Variants in ATRNL1 observed in about 807,000 individuals in gnomAD.
The protein encoded by ATRNL1 is attractin-like protein 1.
Under a neutral mutation model 182.7 loss-of-function variants are expected in ATRNL1, and 95 were observed. That is an observed-to-expected ratio of 0.52 (90% CI 0.44 to 0.62). The LOEUF (loss-of-function observed/expected upper bound fraction) is 0.62. Among genes scored for constraint, ATRNL1 ranks in the 20% least tolerant of loss-of-function variants. The probability of loss-of-function intolerance (pLI) is 0.00; values close to 1 mark genes in which losing one functional copy is unlikely to be tolerated. For missense variants in ATRNL1, 1,471 were observed against 1,679.5 expected, an observed-to-expected ratio of 0.88 and a Z score of 2.17; for synonymous variants, 576 against 568.3, an observed-to-expected ratio of 1.01 and a Z score of -0.19.
rs371950891 is a variant in ATRNL1 at position 115,694,911 on chromosome 10, TCA to T, written c.3796-32318_3796-32317del. Among the ~76,000 whole-genome samples, 404 of 131,492 alleles carry T rather than the reference TCA, an allele frequency of 3.1e-3. 2 individuals carry two copies. Among genetic ancestry groups the T allele is most frequent in the African/African-American group, 8.4e-3 (291 of 34,830 alleles). The allele number at this position is 131,492 out of a possible 152,430, so 86.3% of individuals were successfully genotyped here. Reference sequence around the variant, plus strand: ...TTTTTTTTTTACAAATGTTATAAAATCACACACACACACACACACATGCACAC... The same window carrying T: ...TTTTTTTTTTACAAATGTTATAAAATCACACACACACACACACATGCACAC... On this transcript the variant is annotated intron_variant, in intron 26 of 28. Coordinates refer to ENST00000355044, the MANE Select transcript of ATRNL1 (RefSeq NM_207303.4).
chr10:115,157,330 GT>G (rs1388481079), intron 5 of ATRNL1, among the ~76,000 whole-genome samples: 14 of 150,366 alleles, frequency 9.3e-5, no homozygotes, highest in Middle Eastern at 3.4e-3. Context: ...CGTTGTTTGT[GT>G]TTTAAATTAA....
intron 28 of ATRNL1, among the ~76,000 whole-genome samples, chr10:115,861,419 A>G (rs925592351): frequency 6.6e-6 from 1 of 152,172 alleles, no homozygotes; most frequent in Non-Finnish European, 1.5e-5. Flanking sequence ...GTTGGTGCTA[A>G]TGTCCCAGAG....
intron 26 of ATRNL1, among the ~76,000 whole-genome samples, chr10:115,551,463 A>G (rs879968473): frequency 6.6e-6 from 1 of 151,484 alleles, no homozygotes; most frequent in Admixed American, 6.6e-5. Context: ...TATCTGTATT[A>G]TTAATATTAC....
intron 24 of ATRNL1, among the ~76,000 whole-genome samples, chr10:115,482,813 C>G (rs1432947953): frequency 6.6e-6 from 1 of 151,020 alleles, no homozygotes; most frequent in Non-Finnish European, 1.5e-5. Context: ...TTGTTAGTAA[C>G]TAAAATTTAG....
intron 26 of ATRNL1, among the ~76,000 whole-genome samples, chr10:115,691,618 A>G (rs1305175278): frequency 6.6e-6 from 1 of 152,050 alleles, no homozygotes; most frequent in Non-Finnish European, 1.5e-5. Context: ...GCTATTTGGG[A>G]GGCTGAGTTG....
intron 27 of ATRNL1, among the ~76,000 whole-genome samples, chr10:115,764,978 C>T (rs1434756855): frequency 6.6e-6 from 1 of 152,124 alleles, no homozygotes; most frequent in Non-Finnish European, 1.5e-5. Context: ...CCAGCCTCCT[C>T]CATGTCTTTT....
chr10:115,104,251 AATATC>A (rs1554865361), intron 1 of ATRNL1, among the ~76,000 whole-genome samples: 1 of 152,162 alleles, frequency 6.6e-6, no homozygotes, highest in African/African-American at 2.4e-5. Flanking sequence ...GGAGTGAGAT[AATATC>A]ACATTGTAGT....
At chr10:115,740,155 A>G (rs1454193369) in intron 27 of ATRNL1, among the ~76,000 whole-genome samples, 4 of 152,224 alleles carry the variant, frequency 2.6e-5, no homozygotes, top group African/African-American at 4.8e-5. Context: ...TTCCTTAGAA[A>G]ATAAAATAGC....
Position 115,751,131 on chromosome 10 carries a change from C to A in ATRNL1, c.3903+23776C>A, listed in dbSNP as rs551669100. 3.3e-5 allele frequency among the ~76,000 whole-genome samples: 5 copies of A among 152,076 alleles called. No homozygotes were observed. The East Asian group carries it at 7.7e-4, about 24-fold the overall frequency. On this transcript the variant is annotated intron_variant, in intron 27 of 28. Transcript: ENST00000355044. ...CCTTACCAGTGAAAGAGGAGTCAGT[C>A]AGAGGAGATGTATCTGATGATGGAA...
intron 24 of ATRNL1, among the ~76,000 whole-genome samples, chr10:115,487,721 T>C (rs543299505): frequency 6.6e-6 from 1 of 152,284 alleles, no homozygotes; most frequent in East Asian, 1.9e-4. Context: ...TACCCTTTAT[T>C]TCTTTCTCTT....
Position 115,286,270 on chromosome 10 carries a change from A to G in ATRNL1, c.2288A>G (p.Asn763Ser). 2 of 1,599,718 alleles carry G rather than the reference A, an allele frequency of 1.3e-6. No individual in the cohort carries two copies. Among genetic ancestry groups the G allele is most frequent in the South Asian group, 1.1e-5 (1 of 90,586 alleles). Residue 763 changes from asparagine (N) to serine (S), a missense_variant, in exon 15 of 29, where the codon AAT becomes AGT. Physicochemically the swap from Asn to Ser is conservative, Grantham distance 46 (BLOSUM62 1). Transcript: ENST00000355044. ...SHIGDACLRVNSSRENYDNAK... is the reference protein window; with the variant it reads ...SHIGDACLRVSSSRENYDNAK... ...ATTGGGGATGCTTGTCTTAGAGTCAATTCCAGTAGAGAAAACTATGACAAT... is the reference window on the plus strand; with the variant it reads ...ATTGGGGATGCTTGTCTTAGAGTCAGTTCCAGTAGAGAAAACTATGACAAT...
chr10:115,151,812 G>A (rs191847151), intron 5 of ATRNL1, among the ~76,000 whole-genome samples: 192 of 152,280 alleles, frequency 1.3e-3, no homozygotes, highest in African/African-American at 4.3e-3. Context: ...GAATGGTATT[G>A]CCTAGGTTTT....
intron 5 of ATRNL1, among the ~76,000 whole-genome samples, chr10:115,149,701 G>A (rs1554880138): frequency 6.6e-6 from 1 of 151,924 alleles, no homozygotes; most frequent in African/African-American, 2.4e-5. Context: ...CTTGATCATG[G>A]TTTATTATTT....
Position 115,445,503 on chromosome 10 carries a change from GT to G in ATRNL1, c.3323-16437del, listed in dbSNP as rs797035325. 1.3e-4 allele frequency among the ~76,000 whole-genome samples: 12 copies of G among 95,218 alleles called. No homozygotes were observed. In the South Asian group the frequency reaches 4.1e-3, roughly 32 times the overall value. 62.5% of individuals were successfully genotyped at this position (95,218 alleles called of 152,430 possible). On this transcript the variant is annotated intron_variant, in intron 21 of 28. Transcript: ENST00000355044. ...ATCCTACTCTGTAAATAACTCATTT[GT>G]CCGTGTGTGTGTGTGTGTGTGTGTG...
intron 27 of ATRNL1, among the ~76,000 whole-genome samples, chr10:115,830,744 T>C (rs1950540781): frequency 6.6e-6 from 1 of 152,118 alleles, no homozygotes; most frequent in Admixed American, 6.5e-5. Context: ...ACAATCGAGC[T>C]TTTCCTCTTG....
intron 21 of ATRNL1, among the ~76,000 whole-genome samples, chr10:115,461,476 A>C (rs971239114): frequency 6.6e-6 from 1 of 152,130 alleles, no homozygotes; most frequent in Non-Finnish European, 1.5e-5. Flanking sequence ...ACATTATATG[A>C]GAAATATTAT....
chr10:115,743,459 A>T (rs1032879585), intron 27 of ATRNL1, among the ~76,000 whole-genome samples: 12 of 152,098 alleles, frequency 7.9e-5, no homozygotes, highest in Non-Finnish European at 1.0e-4. Context: ...AGTTCGAAAC[A>T]AAAGAAAGAA....
intron 20 of ATRNL1, among the ~76,000 whole-genome samples, chr10:115,411,334 G>A (rs1341030531): frequency 1.3e-5 from 2 of 151,190 alleles, no homozygotes; most frequent in African/African-American, 4.9e-5. Flanking sequence ...ACTTATAAAT[G>A]TAGAATTATT....
intron 28 of ATRNL1, among the ~76,000 whole-genome samples, chr10:115,867,050 A>C (rs1051549182): frequency 6.6e-6 from 1 of 152,318 alleles, no homozygotes; most frequent in East Asian, 1.9e-4. Context: ...CTTTACCATA[A>C]TAAGTCTGAA....
Sources: allele counts gnomAD v4.1 joint callset (sites outside exome capture counted in the v4.1 genomes callset), GRCh38; gene constraint gnomAD v4.1.1; transcripts MANE v1.5; gene names NCBI Gene and HGNC (gene_info 2026-07-23, HGNC 2026-07-21).